PMM2: variants seen among roughly 807,000 people sequenced by gnomAD.
PMM2 encodes the protein phosphomannomutase 2, also known as mannose-6-phosphate isomerase.
PMM2 carries 35 observed loss-of-function variants against 33.2 expected under a neutral mutation model. That is an observed-to-expected ratio of 1.06 (90% confidence interval 0.81 to 1.40). The LOEUF is 1.40. Among genes scored for constraint, PMM2 ranks in the 40% most tolerant of loss-of-function variants. PMM2 has a pLI of 0.00. For missense variants in PMM2, 386 were observed against 306.0 expected (o/e 1.26, Z -1.95); for synonymous variants, 153 against 114.7 (o/e 1.33, Z -2.13).
Position 8,837,228 on chromosome 16 carries a change from A to G in PMM2, c.640-10496A>G, listed in dbSNP as rs867314407. Among the ~76,000 whole-genome samples, 14 of 152,136 alleles carry G rather than the reference A, an allele frequency of 9.2e-5. No homozygotes were observed. In the South Asian group the frequency reaches 2.9e-3, roughly 32 times the overall value. ...CTGATGTGTAAAAGAATGCCTGGACATCAGGCACCTCAGACCGTTTGCCCA... is the reference window on the plus strand; with the variant it reads ...CTGATGTGTAAAAGAATGCCTGGACGTCAGGCACCTCAGACCGTTTGCCCA... On this transcript the variant is annotated intron_variant, in intron 7 of 7. Coordinates refer to ENST00000268261, the MANE Select transcript of PMM2 (RefSeq NM_000303.3).
chr16:8,815,969 A>C (rs1442592426), intron 7 of PMM2, among the ~76,000 whole-genome samples: 5 of 152,150 alleles, frequency 3.3e-5, no homozygotes, highest in African/African-American at 1.2e-4. Flanking sequence ...AAAAAAAAAA[A>C]CAATTTAAAA....
intron 7 of PMM2, among the ~76,000 whole-genome samples, chr16:8,829,724 G>C (rs151218519): frequency 6.6e-6 from 1 of 152,244 alleles, no homozygotes. Context: ...AAACTTCCGA[G>C]CTTCTGCTGA....
intron 7 of PMM2, among the ~76,000 whole-genome samples, chr16:8,840,624 G>C (rs932106908): frequency 1.3e-5 from 2 of 152,026 alleles, no homozygotes; most frequent in African/African-American, 4.8e-5. Flanking sequence ...AAATACGACT[G>C]AGTTTAAGGG....
chr16:8,800,108 C>G (rs904359987), intron 1 of PMM2, among the ~76,000 whole-genome samples: 1 of 152,066 alleles, frequency 6.6e-6, no homozygotes, highest in Admixed American at 6.6e-5. Context: ...CCTATAATCC[C>G]AGCACTTGGG....
intron 7 of PMM2, among the ~76,000 whole-genome samples, chr16:8,835,557 C>T (rs1009065034): frequency 6.6e-6 from 1 of 151,902 alleles, no homozygotes; most frequent in African/African-American, 2.4e-5. Context: ...GTATTGAGGA[C>T]AGGAGAGTAT....
chr16:8,817,190 G>C (rs766028753), intron 7 of PMM2, among the ~76,000 whole-genome samples: 4 of 152,198 alleles, frequency 2.6e-5, no homozygotes, highest in Non-Finnish European at 5.9e-5. Flanking sequence ...TTTGAAGGAG[G>C]TGTAGCATTC....
intron 1 of PMM2, among the ~76,000 whole-genome samples, chr16:8,800,232 G>A (rs1037896334): frequency 3.3e-5 from 5 of 151,870 alleles, no homozygotes; most frequent in African/African-American, 1.2e-4. Flanking sequence ...ATGATGGCGG[G>A]CGCCTGTAAT....
At chr16:8,827,778 A>G (rs1318153436) in intron 7 of PMM2, among the ~76,000 whole-genome samples, 1 of 69,158 alleles carries the variant, frequency 1.4e-5, no homozygotes, top group African/African-American at 5.6e-5. Flanking sequence ...ATTTATATAT[A>G]TATATTTATA....
chr16:8,838,806 C>T (rs963779640), intron 7 of PMM2, among the ~76,000 whole-genome samples: 1 of 151,970 alleles, frequency 6.6e-6, no homozygotes, highest in Non-Finnish European at 1.5e-5. Flanking sequence ...GCTTGGTTGG[C>T]AAGTTTTTGG....
intron 2 of PMM2, among the ~76,000 whole-genome samples, chr16:8,803,442 C>T (rs541872281): frequency 6.6e-6 from 1 of 152,172 alleles, no homozygotes; most frequent in Non-Finnish European, 1.5e-5. Context: ...CTGCACCTGT[C>T]AGAGACATGC....
At chr16:8,836,111 A>C (rs1567167714) in intron 7 of PMM2, among the ~76,000 whole-genome samples, 1 of 151,662 alleles carries the variant, frequency 6.6e-6, no homozygotes, top group Non-Finnish European at 1.5e-5. Context: ...CAATACCCAC[A>C]ACAGTTACGG....
chr16:8,804,036 T>TTTTTTTG (rs762195903), intron 2 of PMM2, among the ~76,000 whole-genome samples: 2 of 121,304 alleles, frequency 1.6e-5, no homozygotes, highest in African/African-American at 6.1e-5. Context: ...TTTTTGTTTT[T>TTTTTTTG]TTTTTTTTTT....
intron 7 of PMM2, chr16:8,832,540 G>C (rs1408766395): frequency 1.0e-6 from 1 of 985,320 alleles, no homozygotes; most frequent in African/African-American, 1.7e-5. Context: ...GGCAGGCCTA[G>C]CAACTGTCAG....
intron 7 of PMM2, among the ~76,000 whole-genome samples, chr16:8,833,796 G>C (rs2060826570): frequency 6.6e-6 from 1 of 152,174 alleles, no homozygotes; most frequent in African/African-American, 2.4e-5. Context: ...AGAATTGGGA[G>C]GACCTATGAC....
At position 8,800,665 on chromosome 16, in the gene PMM2, CTT is replaced by C. The variant is rs35148703; in HGVS notation, c.67-1119_67-1118del. Among the ~76,000 whole-genome samples the C allele has an allele frequency of 4.8e-3, 612 of 126,630 alleles. 1 individual carries two copies. Among genetic ancestry groups the C allele is most frequent in the African/African-American group, 8.2e-3 (291 of 35,500 alleles). The allele number at this position is 126,630 out of a possible 152,430, so 83.1% of individuals were successfully genotyped here. On this transcript the variant is annotated intron_variant, in intron 1 of 7. Coordinates refer to ENST00000268261, the MANE Select transcript of PMM2 (RefSeq NM_000303.3). ...CAATAAAATCAATTCTAAGCTTCTC[CTT>C]TTTTTTTTTTTTTTGTTTTGTTTTG...
intron 2 of PMM2, 108 bp from the exon 3 acceptor site, chr16:8,804,659 G>T (rs2060636279): frequency 1.3e-6 from 1 of 771,874 alleles, no homozygotes; most frequent in Non-Finnish European, 2.3e-6. Context: ...GTCTTTCACA[G>T]TCCTTGCTGG....
chr16:8,839,264 G>A (rs2060873356), intron 7 of PMM2, among the ~76,000 whole-genome samples: 1 of 151,952 alleles, frequency 6.6e-6, no homozygotes, highest in Admixed American at 6.6e-5. Flanking sequence ...CAATTAGCAG[G>A]TAGACACATG....
At chr16:8,801,313 G>T (rs1461049490) in intron 1 of PMM2, among the ~76,000 whole-genome samples, 1 of 152,220 alleles carries the variant, frequency 6.6e-6, no homozygotes, top group Non-Finnish European at 1.5e-5. Context: ...TTCTGGTAAA[G>T]ATGCCCCCCC....
intron 7 of PMM2, among the ~76,000 whole-genome samples, chr16:8,837,062 G>C (rs1013838241): frequency 6.6e-6 from 1 of 151,946 alleles, no homozygotes; most frequent in African/African-American, 2.4e-5. Context: ...AGCCTGGCGA[G>C]GAGGAGAGGT....
Sources: allele counts gnomAD v4.1 joint callset (sites outside exome capture counted in the v4.1 genomes callset), GRCh38; gene constraint gnomAD v4.1.1; transcripts MANE v1.5; gene names NCBI Gene and HGNC (gene_info 2026-07-23, HGNC 2026-07-21).